The following NLGN1 variants were observed in gnomAD, a reference collection of about 807,000 sequenced individuals.
The protein encoded by NLGN1 is neuroligin 1, also known as neuroligin-1.
A neutral mutation model predicts 65.5 loss-of-function variants in NLGN1; 12 were observed. That is an observed-to-expected ratio of 0.18 (90% CI 0.12 to 0.30). The LOEUF (loss-of-function observed/expected upper bound fraction) is 0.30, where lower values mean the gene tolerates loss of function less well. NLGN1 is among the 10% of genes least tolerant of loss of function. NLGN1 has a pLI of 1.00. For missense variants in NLGN1, 750 were observed against 1,007.1 expected (o/e 0.74, Z 3.46); for synonymous variants, 350 against 359.5 (o/e 0.97, Z 0.30).
At chr3:174,204,898 A>C (rs1359799720) in intron 4 of NLGN1, among the ~76,000 whole-genome samples, 1 of 152,114 alleles carries the variant, frequency 6.6e-6, no homozygotes, top group Non-Finnish European at 1.5e-5. Flanking sequence ...ACTCATTTCC[A>C]GTTATCATAT....
chr3:173,726,994 G>A (rs142018765), intron 3 of NLGN1, among the ~76,000 whole-genome samples: 87 of 151,710 alleles, frequency 5.7e-4, no homozygotes, highest in Middle Eastern at 3.4e-3. Context: ...AACTTCTCTG[G>A]TGTTTGTTTA....
intron 3 of NLGN1, among the ~76,000 whole-genome samples, chr3:173,710,370 CA>C (rs1344273153): frequency 6.6e-6 from 1 of 152,078 alleles, no homozygotes; most frequent in Non-Finnish European, 1.5e-5. Context: ...AAAATCTTTA[CA>C]TAGATTTCCC....
At chr3:173,553,545 A>G (rs1027271974) in intron 2 of NLGN1, among the ~76,000 whole-genome samples, 1 of 152,214 alleles carries the variant, frequency 6.6e-6, no homozygotes, top group African/African-American at 2.4e-5. Context: ...CTCTGTTGAA[A>G]GAGCCTCATA....
At chr3:173,654,016 T>G (rs1759602996) in intron 3 of NLGN1, among the ~76,000 whole-genome samples, 1 of 152,180 alleles carries the variant, frequency 6.6e-6, no homozygotes, top group Admixed American at 6.5e-5. Context: ...AGGTGGATCC[T>G]CTAGCCCTAA....
At chr3:173,956,808 A>C (rs958083914) in intron 4 of NLGN1, among the ~76,000 whole-genome samples, 7 of 152,110 alleles carry the variant, frequency 4.6e-5, no homozygotes, top group Non-Finnish European at 1.0e-4. Context: ...TAATCTTCCC[A>C]CTCATGATTC....
At chr3:174,093,855 A>G (rs1421459652) in intron 4 of NLGN1, among the ~76,000 whole-genome samples, 1 of 152,200 alleles carries the variant, frequency 6.6e-6, no homozygotes, top group Non-Finnish European at 1.5e-5. Flanking sequence ...ACATATATGC[A>G]TTCTAAAGTG....
At chr3:174,251,815 G>T (rs1354052045) in intron 4 of NLGN1, among the ~76,000 whole-genome samples, 1 of 152,052 alleles carries the variant, frequency 6.6e-6, no homozygotes, top group Non-Finnish European at 1.5e-5. Flanking sequence ...AAAAGAATTA[G>T]ATTGCTTTGC....
intron 2 of NLGN1, among the ~76,000 whole-genome samples, chr3:173,563,001 A>C (rs80194518): frequency 6.6e-6 from 1 of 152,064 alleles, no homozygotes; most frequent in Non-Finnish European, 1.5e-5. Flanking sequence ...ACACACAAAA[A>C]CCATTCCACC....
intron 1 of NLGN1, chr3:173,434,882 C>T (rs927130413): frequency 2.0e-5 from 3 of 152,562 alleles, no homozygotes; most frequent in African/African-American, 7.2e-5. Context: ...ATTTTTTGGT[C>T]ATTTGGTCTA....
intron 3 of NLGN1, among the ~76,000 whole-genome samples, chr3:173,701,247 T>C (rs540221293): frequency 5.9e-5 from 9 of 152,218 alleles, no homozygotes; most frequent in Non-Finnish European, 1.3e-4. Context: ...CATATTAGCC[T>C]GCATTGCAAA....
At chr3:173,615,545 TG>T (rs1752924726) in intron 3 of NLGN1, among the ~76,000 whole-genome samples, 2 of 152,164 alleles carry the variant, frequency 1.3e-5, no homozygotes, top group Admixed American at 1.3e-4. Flanking sequence ...GAAAAGGTAA[TG>T]ATGCTGATAT....
At chr3:174,021,366 ATTT>A (rs1371071760) in intron 4 of NLGN1, among the ~76,000 whole-genome samples, 1 of 152,066 alleles carries the variant, frequency 6.6e-6, no homozygotes, top group Non-Finnish European at 1.5e-5. Context: ...AAAGAACTTT[ATTT>A]TCTTCTAAGA....
rs539735492 is a variant in NLGN1, at chr3:173,446,584, T to A, written c.-321+11506T>A. 7.9e-5 allele frequency among the ~76,000 whole-genome samples: 12 copies of A among 152,282 alleles called. No homozygotes were observed. In the East Asian group the frequency reaches 1.2e-3, roughly 15 times the overall value. On this transcript the variant is annotated intron_variant, in intron 2 of 6. Transcript: ENST00000457714. ...ACAATCCTTTGGGTATATACCCAGTTATGGGATGACTGGGTCAAATGGTAT... is the reference window on the plus strand; with the variant it reads ...ACAATCCTTTGGGTATATACCCAGTAATGGGATGACTGGGTCAAATGGTAT...
At chr3:173,971,219 A>T (rs532917954) in intron 4 of NLGN1, among the ~76,000 whole-genome samples, 2 of 152,292 alleles carry the variant, frequency 1.3e-5, no homozygotes, top group African/African-American at 4.8e-5. Flanking sequence ...AAGTCAAAGA[A>T]AGATTTCCAG....
exon 7 of NLGN1, chr3:174,282,394 CT>C (rs755527871): frequency 3.3e-5 from 5 of 152,098 alleles, no homozygotes; most frequent in Non-Finnish European, 7.4e-5. Flanking sequence ...GTTCTGAGTT[CT>C]TTGATTTACT....
chr3:173,579,815 C>T (rs1384173577), intron 2 of NLGN1, among the ~76,000 whole-genome samples: 1 of 152,114 alleles, frequency 6.6e-6, no homozygotes, highest in Non-Finnish European at 1.5e-5. Context: ...AGATTCAAGT[C>T]TTGAGCACTT....
intron 2 of NLGN1, among the ~76,000 whole-genome samples, chr3:173,529,649 A>G (rs1338206630): frequency 1.3e-5 from 2 of 152,178 alleles, no homozygotes; most frequent in Non-Finnish European, 2.9e-5. Flanking sequence ...GCCACAGTGC[A>G]GCTGAATGCC....
intron 4 of NLGN1, among the ~76,000 whole-genome samples, chr3:173,854,721 A>T (rs1255260149): frequency 6.6e-6 from 1 of 152,094 alleles, no homozygotes; most frequent in Non-Finnish European, 1.5e-5. Context: ...TGGGGAAAAC[A>T]GTATTGGGGA....
intron 4 of NLGN1, among the ~76,000 whole-genome samples, chr3:174,050,807 T>C (rs959742739): frequency 7.9e-5 from 12 of 151,992 alleles, no homozygotes; most frequent in African/African-American, 2.4e-5. Context: ...TTGAAGAACA[T>C]TCTAGGATTC....
Sources: allele counts gnomAD v4.1 joint callset (sites outside exome capture counted in the v4.1 genomes callset), GRCh38; gene constraint gnomAD v4.1.1; transcripts MANE v1.5; gene names NCBI Gene and HGNC (gene_info 2026-07-23, HGNC 2026-07-21).